The following OTUD7A variants were observed in gnomAD, a reference collection of about 807,000 sequenced individuals.
OTUD7A encodes OTU domain-containing protein 7A.
In OTUD7A, 12 loss-of-function variants were observed where a neutral mutation model predicts 65.7. The ratio of observed to expected loss-of-function variants is 0.18; its 90% CI spans 0.12 to 0.30. The LOEUF is 0.30. OTUD7A is among the 10% of genes least tolerant of loss of function. The pLI is 1.00. For missense variants in OTUD7A, 1,148 were observed against 1,304.8 expected (o/e 0.88, Z 1.85); for synonymous variants, 641 against 586.3 (o/e 1.09, Z -1.35).
At chr15:31,696,828 G>A (rs933099249) in intron 1 of OTUD7A, among the ~76,000 whole-genome samples, 2 of 150,972 alleles carry the variant, frequency 1.3e-5, no homozygotes, top group African/African-American at 4.9e-5. Flanking sequence ...ATGCAGCCAG[G>A]AGAGGAAAAT....
intron 4 of OTUD7A, among the ~76,000 whole-genome samples, chr15:31,568,081 C>T (rs529953043): frequency 3.3e-5 from 5 of 152,340 alleles, no homozygotes; most frequent in African/African-American, 9.6e-5. Flanking sequence ...CTCATGGGGG[C>T]ACTGCCTAGT....
chr15:31,837,449 G>A (rs1212310677), intron 1 of OTUD7A, among the ~76,000 whole-genome samples: 7 of 151,842 alleles, frequency 4.6e-5, no homozygotes, highest in Admixed American at 4.6e-4. Context: ...AGGAGGCTGA[G>A]GCAGGAGAAT....
At chr15:31,620,600 G>T (rs1890748711) in intron 3 of OTUD7A, among the ~76,000 whole-genome samples, 1 of 146,834 alleles carries the variant, frequency 6.8e-6, no homozygotes, top group Non-Finnish European at 1.5e-5. Context: ...ATTTCTGTGG[G>T]ATCGGTGGTG....
chr15:31,747,604 G>A (rs978827801), intron 1 of OTUD7A, among the ~76,000 whole-genome samples: 7 of 152,144 alleles, frequency 4.6e-5, no homozygotes, highest in African/African-American at 1.7e-4. Flanking sequence ...ATAAATAGAT[G>A]ATTAAGTAAA....
chr15:31,869,193 T>C (rs570048946), intron 1 of OTUD7A, among the ~76,000 whole-genome samples: 11 of 152,246 alleles, frequency 7.2e-5, no homozygotes, highest in African/African-American at 2.4e-4. Context: ...GGAATGTTTA[T>C]CCAGAACTGA....
chr15:31,658,736 C>T (rs533827551), intron 1 of OTUD7A, among the ~76,000 whole-genome samples: 58 of 151,890 alleles, frequency 3.8e-4, no homozygotes, highest in Non-Finnish European at 7.2e-4. Context: ...TTTTCATTAA[C>T]TTCTGTTTTG....
chr15:31,731,151 A>G (rs1479156126), intron 1 of OTUD7A, among the ~76,000 whole-genome samples: 2 of 152,192 alleles, frequency 1.3e-5, no homozygotes. Context: ...CTGGTGAATC[A>G]TGTGCATTTT....
intron 5 of OTUD7A, among the ~76,000 whole-genome samples, chr15:31,549,135 CAAAAA>C (rs568463366): frequency 4.6e-5 from 3 of 65,082 alleles, no homozygotes; most frequent in Non-Finnish European, 3.7e-5. Context: ...GGCCTTGTCT[CAAAAA>C]AAAAAAAAAA....
intron 8 of OTUD7A, among the ~76,000 whole-genome samples, chr15:31,518,299 C>G (rs1419256257): frequency 6.6e-6 from 1 of 151,982 alleles, no homozygotes; most frequent in African/African-American, 2.4e-5. Context: ...TGGTGAAACC[C>G]TGTCTCTACT....
chr15:31,809,897 T>C (rs1232749302), intron 1 of OTUD7A, among the ~76,000 whole-genome samples: 1 of 152,250 alleles, frequency 6.6e-6, no homozygotes, highest in Non-Finnish European at 1.5e-5. Flanking sequence ...TGTATAACTA[T>C]TTCTTAGTCC....
rs144250177 is a variant in OTUD7A, at chr15:31,608,495, A to C, written c.152-38298T>G. On this transcript the variant is annotated intron_variant, in intron 3 of 12. Transcript: ENST00000307050. ...AGGTGGAGGTGTGGAATGAGAGCTA[A>C]AAGCACAAGACCATACACATAAGCA... Among the ~76,000 whole-genome samples, 26 of 152,304 alleles carry C rather than the reference A, an allele frequency of 1.7e-4. No individual in the cohort carries two copies. The East Asian group carries it at 5.0e-3, about 29-fold the overall frequency.
At chr15:31,689,132 TG>T (rs1427115976) in intron 1 of OTUD7A, among the ~76,000 whole-genome samples, 1 of 145,772 alleles carries the variant, frequency 6.9e-6, no homozygotes. Flanking sequence ...TCACTACAGT[TG>T]TTTTTTTTTT....
chr15:31,625,954 T>C (rs1268920083), intron 3 of OTUD7A, among the ~76,000 whole-genome samples: 1 of 150,088 alleles, frequency 6.7e-6, no homozygotes, highest in East Asian at 1.9e-4. Flanking sequence ...TTATACGAGG[T>C]TATGGAACAA....
At chr15:31,766,264 T>C (rs1248309607) in intron 1 of OTUD7A, 18 of 1,596,660 alleles carry the variant, frequency 1.1e-5, no homozygotes, top group South Asian at 6.6e-5. Flanking sequence ...CTCGCACCCA[T>C]TGCATCATGA....
chr15:31,726,431 T>TA (rs1179675688), intron 1 of OTUD7A, among the ~76,000 whole-genome samples: 83 of 150,676 alleles, frequency 5.5e-4, no homozygotes, highest in African/African-American at 1.4e-3. Flanking sequence ...ATTTCATAAT[T>TA]AAAAAAAAAT....
chr15:31,798,622 AC>A (rs1259987157), intron 1 of OTUD7A, among the ~76,000 whole-genome samples: 52 of 152,312 alleles, frequency 3.4e-4, no homozygotes, highest in African/African-American at 1.3e-3. Flanking sequence ...CCAAAACCTC[AC>A]TGAGGATAAC....
intron 1 of OTUD7A, among the ~76,000 whole-genome samples, chr15:31,757,734 C>T (rs578198366): frequency 8.8e-4 from 134 of 152,304 alleles, no homozygotes; most frequent in Non-Finnish European, 1.6e-3. Flanking sequence ...GGGTCACTTT[C>T]ATCTGGACAA....
chr15:31,579,936 C>T lies in OTUD7A; in HGVS notation c.152-9739G>A, dbSNP rs139671284. On this transcript the variant is annotated intron_variant, in intron 3 of 12. Coordinates refer to ENST00000307050, the MANE Select transcript of OTUD7A (RefSeq NM_001382637.1). ...TTCCTAAATAATGTAGGGAAAAATACAGAGAACAAACAATGGCAGTGAAAA... is the reference window on the plus strand; with the variant it reads ...TTCCTAAATAATGTAGGGAAAAATATAGAGAACAAACAATGGCAGTGAAAA... Among the ~76,000 whole-genome samples, 453 of 152,268 alleles carry T rather than the reference C, an allele frequency of 3.0e-3. 3 individuals carry two copies. Among genetic ancestry groups the T allele is most frequent in the African/African-American group, 0.01 (423 of 41,528 alleles).
At chr15:31,532,129 C>A (rs75011125) in intron 5 of OTUD7A, among the ~76,000 whole-genome samples, 9 of 151,604 alleles carry the variant, frequency 5.9e-5, no homozygotes, top group African/African-American at 1.9e-4. Flanking sequence ...TTTAAACAAA[C>A]AAAAAAAATC....
Sources: gnomAD v4.1 joint callset for allele counts (sites outside exome capture counted in the v4.1 genomes callset) on GRCh38, gnomAD v4.1.1 for gene constraint, MANE v1.5 for transcripts, NCBI Gene and HGNC (gene_info 2026-07-23, HGNC 2026-07-21) for gene names.